The following LINGO2 variants were observed in gnomAD, a reference collection of about 807,000 sequenced individuals.
The protein encoded by LINGO2 is leucine-rich repeat and immunoglobulin-like domain-containing nogo receptor-interacting protein 2.
Under a neutral mutation model 30.6 loss-of-function variants are expected in LINGO2, and 14 were observed. The ratio of observed to expected loss-of-function variants is 0.46; its 90% CI spans 0.30 to 0.72. The LOEUF (loss-of-function observed/expected upper bound fraction) is 0.72. LINGO2 is among the 30% of genes least tolerant of loss of function. The pLI, the probability that LINGO2 is intolerant of heterozygous loss-of-function variation, is 0.07. For missense variants in LINGO2, 729 were observed against 751.7 expected, an observed-to-expected ratio of 0.97 and a Z score of 0.35; for synonymous variants, 317 against 288.5, an observed-to-expected ratio of 1.10 and a Z score of -1.00.
chr9:28,771,966 C>T, the LINGO2 span, among the ~76,000 whole-genome samples: 7 of 152,084 alleles, frequency 4.6e-5, no homozygotes, highest in Non-Finnish European at 1.0e-4. Flanking sequence ...TAACTGAATG[C>T]CGTAGGAAGA....
At chr9:29,149,541 G>A in the LINGO2 span, among the ~76,000 whole-genome samples, 1 of 151,882 alleles carries the variant, frequency 6.6e-6, no homozygotes, top group Admixed American at 6.6e-5. Flanking sequence ...GAGAAAGTCG[G>A]GAACCTTGTG....
chr9:29,009,618 T>C, the LINGO2 span, among the ~76,000 whole-genome samples: 3 of 152,108 alleles, frequency 2.0e-5, no homozygotes, highest in African/African-American at 7.2e-5. Flanking sequence ...AGGTAATTTA[T>C]AGATTCAATG....
At chr9:28,269,560 G>C (rs931983231) in intron 4 of LINGO2, among the ~76,000 whole-genome samples, 1 of 152,050 alleles carries the variant, frequency 6.6e-6, no homozygotes, top group African/African-American at 2.4e-5. Flanking sequence ...TTTATGGACA[G>C]AGTAGCATTT....
chr9:28,959,547 A>G, the LINGO2 span, among the ~76,000 whole-genome samples: 1 of 151,510 alleles, frequency 6.6e-6, no homozygotes, highest in African/African-American at 2.4e-5. Flanking sequence ...AAATTTATTT[A>G]TCACTCATAT....
chr9:28,265,479 A>G (rs192455931), intron 4 of LINGO2, among the ~76,000 whole-genome samples: 7 of 152,130 alleles, frequency 4.6e-5, no homozygotes, highest in Admixed American at 4.6e-4. Flanking sequence ...AAATTTCAAA[A>G]TGGATTGTAG....
chr9:28,983,688 T>A, the LINGO2 span, among the ~76,000 whole-genome samples: 1 of 151,968 alleles, frequency 6.6e-6, no homozygotes, highest in African/African-American at 2.4e-5. Flanking sequence ...CTCCATTTGA[T>A]AGGGAGGGTA....
intron 2 of LINGO2, among the ~76,000 whole-genome samples, chr9:28,406,986 C>T (rs1382158553): frequency 6.6e-6 from 1 of 152,056 alleles, no homozygotes; most frequent in East Asian, 1.9e-4. Flanking sequence ...GTGTTGGGTG[C>T]AGTTACTAAA....
chr9:28,871,201 G>A, the LINGO2 span, among the ~76,000 whole-genome samples: 6,490 of 150,934 alleles, frequency 0.043, 211 homozygotes, highest in Admixed American at 0.084. Flanking sequence ...ATAATAATGA[G>A]GTAAGCCTAA....
rs76633580 is a variant in LINGO2, at chr9:28,531,776, G to A, written c.-364-55751C>T. On this transcript the variant is annotated intron_variant, in intron 1 of 5. Coordinates refer to ENST00000379992, the Ensembl canonical transcript of LINGO2. ...ACTAAAGGCCAGCTTTTGAAATGGG[G>A]GCCAGTATAAGGGAAATTTAGTTCA... Among the ~76,000 whole-genome samples, 705 of 152,062 alleles carry A rather than the reference G, an allele frequency of 4.6e-3. 6 individuals carry two copies. The highest frequency in any genetic ancestry group is 7.8e-3 in the Non-Finnish European group (531 of 67,958).
chr9:28,629,047 A>G (rs1437421878), intron 1 of LINGO2, among the ~76,000 whole-genome samples: 1 of 152,138 alleles, frequency 6.6e-6, no homozygotes, highest in Admixed American at 6.6e-5. Flanking sequence ...GCATTACATT[A>G]ATGTTTTATG....
chr9:28,632,881 TAGAGAG>T lies in LINGO2; in HGVS notation c.-365+37313_-365+37318del, dbSNP rs36101397. Among the ~76,000 whole-genome samples the T allele has an allele frequency of 1.7e-3, 104 of 61,892 alleles. 1 individual carries two copies. The highest frequency in any genetic ancestry group is 8.8e-3 in the East Asian group (16 of 1,828). The allele number at this position is 61,892 out of a possible 152,430, so 40.6% of individuals were successfully genotyped here. Reference sequence around the variant, plus strand: ...TTATATATATATATATATATATATGTAGAGAGAGAGAGAGAGAGAGAGAGAGAGAGA... The same window carrying T: ...TTATATATATATATATATATATATGTAGAGAGAGAGAGAGAGAGAGAGAGA... On this transcript the variant is annotated intron_variant, in intron 1 of 5. Transcript: ENST00000379992.
rs187007827 is a variant in LINGO2, at chr9:28,043,614, C to T, written c.-86-31209G>A. ...ACTTTTCTTTATGGAAAGTTTCAAA[C>T]ATATACAAAACTATGAAAGAATTAA... On this transcript the variant is annotated intron_variant, in intron 4 of 5. Transcript: ENST00000379992. Among the ~76,000 whole-genome samples, 514 of 152,272 alleles carry T rather than the reference C, an allele frequency of 3.4e-3. 5 individuals are homozygous for T. Among genetic ancestry groups the T allele is most frequent in the Middle Eastern group, 0.014 (4 of 294 alleles).
intron 2 of LINGO2, among the ~76,000 whole-genome samples, chr9:28,473,521 C>T (rs1398613604): frequency 1.3e-5 from 2 of 152,026 alleles, no homozygotes; most frequent in Non-Finnish European, 2.9e-5. Flanking sequence ...GACTATATCT[C>T]TTTCCCGGGA....
the LINGO2 span, among the ~76,000 whole-genome samples, chr9:29,206,556 T>C: frequency 6.6e-6 from 1 of 152,184 alleles, no homozygotes; most frequent in Non-Finnish European, 1.5e-5. Flanking sequence ...CTCAGCCCAG[T>C]TTCCTCCCCC....
the LINGO2 span, among the ~76,000 whole-genome samples, chr9:28,835,407 A>T: frequency 6.6e-6 from 1 of 152,200 alleles, no homozygotes; most frequent in African/African-American, 2.4e-5. Flanking sequence ...ATTTTGTCAA[A>T]TATAGAAATA....
In LINGO2 at chr9:28,385,260, A is replaced by C. The variant is rs563074366; in HGVS notation, c.-278-12392T>G. 1.4e-3 allele frequency among the ~76,000 whole-genome samples: 215 copies of C among 152,242 alleles called. 5 individuals are homozygous for C. The highest frequency in any genetic ancestry group is 6.8e-3 in the Middle Eastern group (2 of 294). ...TTCCTGTAGCATTTAACCTTACCTA[A>C]GTTGCTACTTCCAGCTCTGCTCCTT... On this transcript the variant is annotated intron_variant, in intron 2 of 5. Coordinates refer to ENST00000379992, the Ensembl canonical transcript of LINGO2.
At chr9:28,170,907 C>G (rs973617662) in intron 4 of LINGO2, among the ~76,000 whole-genome samples, 2 of 152,154 alleles carry the variant, frequency 1.3e-5, no homozygotes, top group Admixed American at 6.5e-5. Context: ...TCTGCAAAGT[C>G]CCTTGGTTAC....
At chr9:28,117,595 G>C (rs1305472499) in intron 4 of LINGO2, among the ~76,000 whole-genome samples, 1 of 111,342 alleles carries the variant, frequency 9.0e-6, no homozygotes, top group Non-Finnish European at 1.8e-5. Context: ...TGAGCCAGGT[G>C]TGGGATATAG....
chr9:28,150,835 C>T (rs1026925580), intron 4 of LINGO2, among the ~76,000 whole-genome samples: 2 of 152,142 alleles, frequency 1.3e-5, no homozygotes, highest in African/African-American at 2.4e-5. Context: ...CCGTGGCGGT[C>T]GCCATAGTTA....
Sources: allele counts gnomAD v4.1 joint callset (sites outside exome capture counted in the v4.1 genomes callset), GRCh38; gene constraint gnomAD v4.1.1; transcripts MANE v1.5; gene names NCBI Gene and HGNC (gene_info 2026-07-23, HGNC 2026-07-21).